The following MBD5 variants were observed in gnomAD, a reference collection of about 807,000 sequenced individuals.
MBD5 encodes methyl-CpG-binding domain protein 5.
MBD5 carries 13 observed loss-of-function variants against 117.3 expected under a neutral mutation model. That is an observed-to-expected ratio of 0.11 (90% confidence interval 0.07 to 0.18). The LOEUF is 0.18. Among genes scored for constraint, MBD5 ranks in the 10% least tolerant of loss-of-function variants. The pLI is 1.00. For missense variants in MBD5, 1,879 were observed against 2,093.8 expected (o/e 0.90, Z 2.00); for synonymous variants, 727 against 766.4 (o/e 0.95, Z 0.85).
intron 4 of MBD5, among the ~76,000 whole-genome samples, chr2:148,365,879 G>T (rs2105334163): frequency 6.6e-6 from 1 of 151,824 alleles, no homozygotes; most frequent in African/African-American, 2.4e-5. Context: ...GGATGCCCAG[G>T]TGAATTCTAC....
At position 148,515,344 on chromosome 2, in the gene MBD5, GCC is replaced by G. The variant is rs1682325135; in HGVS notation, c.*2405_*2406del. On this transcript the variant is annotated 3_prime_UTR_variant, in exon 14 of 14. Transcript: ENST00000642680. ...AGTAGACCATGTAAAGTATGTTTGT[GCC>G]CATGATTTCACTGGTTGCTATGGCT... 6.6e-6 allele frequency: 1 copy of G among 152,230 alleles called. No individual in the cohort carries two copies. Among genetic ancestry groups the G allele is most frequent in the African/African-American group, 2.4e-5 (1 of 41,540 alleles). 9.4% of individuals were successfully genotyped at this position (152,230 alleles called of 1,614,324 possible).
At chr2:148,309,510 C>A (rs1449479999) in intron 3 of MBD5, among the ~76,000 whole-genome samples, 2 of 152,152 alleles carry the variant, frequency 1.3e-5, no homozygotes, top group Admixed American at 6.5e-5. Flanking sequence ...TGACACTTTG[C>A]TGAAGTTGCT....
chr2:148,140,387 T>A (rs1697284383), intron 1 of MBD5, among the ~76,000 whole-genome samples: 2 of 152,200 alleles, frequency 1.3e-5, no homozygotes, highest in Admixed American at 1.3e-4. Context: ...GATAAAAAAA[T>A]TATGTTGTAC....
chr2:148,251,401 C>G (rs1700462486), intron 3 of MBD5, among the ~76,000 whole-genome samples: 1 of 152,090 alleles, frequency 6.6e-6, no homozygotes, highest in Non-Finnish European at 1.5e-5. Flanking sequence ...TTACCTGTGA[C>G]TCATCATTCT....
intron 3 of MBD5, among the ~76,000 whole-genome samples, chr2:148,292,112 C>G (rs1412556627): frequency 6.6e-6 from 1 of 152,202 alleles, no homozygotes; most frequent in Non-Finnish European, 1.5e-5. Flanking sequence ...TATGAAATTA[C>G]TACAAGAAAA....
At chr2:148,480,785 G>C (rs886317495) in intron 8 of MBD5, among the ~76,000 whole-genome samples, 1 of 151,706 alleles carries the variant, frequency 6.6e-6, no homozygotes, top group African/African-American at 2.4e-5. Context: ...CCCTACTCTT[G>C]GTGAATGTGG....
chr2:148,510,929 C>A (rs895847664), intron 13 of MBD5, among the ~76,000 whole-genome samples: 1 of 152,104 alleles, frequency 6.6e-6, no homozygotes. Context: ...TAGGGCCAGG[C>A]AAATTATATC....
intron 9 of MBD5, among the ~76,000 whole-genome samples, chr2:148,484,564 C>A (rs896995564): frequency 2.6e-5 from 4 of 152,156 alleles, no homozygotes; most frequent in Admixed American, 2.6e-4. Flanking sequence ...AAAGTGTTTT[C>A]CAGGTGAACC....
chr2:148,378,605 G>A (rs1400191509), intron 4 of MBD5, among the ~76,000 whole-genome samples: 2 of 151,726 alleles, frequency 1.3e-5, no homozygotes, highest in Non-Finnish European at 2.9e-5. Flanking sequence ...TAGAAATACT[G>A]TTTTTCTATT....
rs530265882 is a variant in MBD5 at position 148,122,433 on chromosome 2, G to T, written c.-924-56267G>T. On this transcript the variant is annotated intron_variant, in intron 1 of 13. Coordinates refer to ENST00000642680, the MANE Select transcript of MBD5 (RefSeq NM_001378120.1). ...ATATGAGAGTGTATCTTAATAGATG[G>T]ACTAGAGTTTTCAGGTAAAGTTAAA... Among the ~76,000 whole-genome samples, 3 of 152,274 alleles carry T rather than the reference G, an allele frequency of 2.0e-5. No individual in the cohort carries two copies. In the East Asian group the frequency reaches 5.8e-4, roughly 29 times the overall value.
chr2:148,188,118 G>C (rs1463390173), intron 2 of MBD5, among the ~76,000 whole-genome samples: 3 of 152,164 alleles, frequency 2.0e-5, no homozygotes, highest in Non-Finnish European at 2.9e-5. Context: ...ATGATCATTG[G>C]AGCATTTCAG....
At chr2:148,167,761 T>G (rs1470548335) in intron 1 of MBD5, among the ~76,000 whole-genome samples, 1 of 152,184 alleles carries the variant, frequency 6.6e-6, no homozygotes, top group Non-Finnish European at 1.5e-5. Context: ...ATTTTCTACT[T>G]TATCATCAAC....
intron 3 of MBD5, among the ~76,000 whole-genome samples, chr2:148,340,335 A>T (rs1014818889): frequency 4.6e-5 from 7 of 152,064 alleles, no homozygotes; most frequent in Non-Finnish European, 8.8e-5. Context: ...TATTTCTGAA[A>T]TTTTTTATTG....
chr2:148,411,162 T>C (rs1375687265), intron 4 of MBD5, among the ~76,000 whole-genome samples: 1 of 152,194 alleles, frequency 6.6e-6, no homozygotes, highest in Non-Finnish European at 1.5e-5. Context: ...CCTTGAGCTC[T>C]ACCCATGTTG....
chr2:148,322,601 T>G (rs1227158083), intron 3 of MBD5, among the ~76,000 whole-genome samples: 1 of 152,152 alleles, frequency 6.6e-6, no homozygotes, highest in Non-Finnish European at 1.5e-5. Flanking sequence ...TGATTATTAT[T>G]TGACTTTCTC....
chr2:148,340,212 G>A (rs555170694), intron 3 of MBD5, among the ~76,000 whole-genome samples: 1 of 152,094 alleles, frequency 6.6e-6, no homozygotes, highest in African/African-American at 2.4e-5. Flanking sequence ...CATGCCAGAA[G>A]GTAAACAAAT....
intron 3 of MBD5, among the ~76,000 whole-genome samples, chr2:148,241,448 G>A (rs1213814710): frequency 6.6e-6 from 1 of 152,190 alleles, no homozygotes; most frequent in Non-Finnish European, 1.5e-5. Flanking sequence ...GTAATGAGCA[G>A]TAGAAGAAAT....
chr2:148,290,112 C>A (rs756557169), intron 3 of MBD5, among the ~76,000 whole-genome samples: 8 of 149,886 alleles, frequency 5.3e-5, no homozygotes, highest in African/African-American at 2.0e-4. Flanking sequence ...CCCACCACCA[C>A]GCCCAGCTAA....
intron 1 of MBD5, among the ~76,000 whole-genome samples, chr2:148,086,950 A>C (rs1695811100): frequency 6.6e-6 from 1 of 152,130 alleles, no homozygotes; most frequent in African/African-American, 2.4e-5. Context: ...TTTTTGCCAC[A>C]ATAATGACAG....
Sources: allele counts gnomAD v4.1 joint callset (sites outside exome capture counted in the v4.1 genomes callset), GRCh38; gene constraint gnomAD v4.1.1; transcripts MANE v1.5; gene names NCBI Gene and HGNC (gene_info 2026-07-23, HGNC 2026-07-21).